Variants in SKIC3 observed in about 807,000 individuals in gnomAD.
SKIC3 encodes SKI3 subunit of superkiller complex, also known as superkiller complex protein 3.
the SKIC3 span, among the ~76,000 whole-genome samples, chr5:95,486,265 C>T: frequency 6.6e-6 from 1 of 152,192 alleles, no homozygotes; most frequent in African/African-American, 2.4e-5. Flanking sequence ...CCCACAGCCA[C>T]TGCTGCTGGA....
chr5:95,487,159 T>G, the SKIC3 span, among the ~76,000 whole-genome samples: 2 of 152,132 alleles, frequency 1.3e-5, no homozygotes, highest in East Asian at 3.9e-4. Context: ...CTTTCTCCCA[T>G]GCTGGATGCT....
chr5:95,480,154 A>T, the SKIC3 span, among the ~76,000 whole-genome samples: 1 of 152,000 alleles, frequency 6.6e-6, no homozygotes, highest in Non-Finnish European at 1.5e-5. Context: ...ACAAAATATT[A>T]AAAAAAACTT....
chr5:95,495,314 A>T, the SKIC3 span: 1 of 356,604 alleles, frequency 2.8e-6, no homozygotes, highest in Non-Finnish European at 5.2e-6. Flanking sequence ...AATATAAAAT[A>T]TAAAGACTGA....
chr5:95,524,459 C>T, the SKIC3 span: 46 of 1,612,686 alleles, frequency 2.9e-5, no homozygotes, highest in Middle Eastern at 9.5e-4. Context: ...GTAGCACTTG[C>T]TTTACCTTCA....
the SKIC3 span, chr5:95,484,646 C>T: frequency 6.2e-7 from 1 of 1,601,946 alleles, no homozygotes; most frequent in Non-Finnish European, 8.5e-7. Context: ...CGCATCTAGC[C>T]TCATACATTC....
At chr5:95,470,354 G>A in the SKIC3 span, among the ~76,000 whole-genome samples, 2 of 152,146 alleles carry the variant, frequency 1.3e-5, no homozygotes. Context: ...TTACTACAAA[G>A]AGATTTAAGA....
At chr5:95,507,461 G>A in the SKIC3 span, among the ~76,000 whole-genome samples, 1 of 152,178 alleles carries the variant, frequency 6.6e-6, no homozygotes, top group African/African-American at 2.4e-5. Flanking sequence ...TGAGGGAAGG[G>A]GACTAGTCAC....
chr5:95,543,878 T>G, the SKIC3 span, among the ~76,000 whole-genome samples: 2 of 152,202 alleles, frequency 1.3e-5, no homozygotes, highest in African/African-American at 4.8e-5. Flanking sequence ...GAATAAAAAT[T>G]ATATGTAGAG....
At chr5:95,524,726 CT>C in the SKIC3 span, 1 of 1,181,070 alleles carries the variant, frequency 8.5e-7, no homozygotes, top group East Asian at 2.4e-5. Flanking sequence ...CCAATCATCA[CT>C]TTAGGATTTA....
chr5:95,494,883 C>A, the SKIC3 span: 1 of 1,588,994 alleles, frequency 6.3e-7, no homozygotes. Context: ...TGACATAATC[C>A]CTAAGACTAT....
At chr5:95,490,994 G>A in the SKIC3 span, 95 of 1,613,936 alleles carry the variant, frequency 5.9e-5, no homozygotes, top group Non-Finnish European at 7.8e-5. Context: ...TTTATCATCA[G>A]CGTGACAGGC....
chr5:95,503,730 C>A, the SKIC3 span: 3 of 1,589,596 alleles, frequency 1.9e-6, no homozygotes, highest in African/African-American at 4.0e-5. Context: ...CACCCCATCT[C>A]ATTATTACAT....
At chr5:95,492,725 T>G in the SKIC3 span, among the ~76,000 whole-genome samples, 3 of 100,484 alleles carry the variant, frequency 3.0e-5, no homozygotes, top group Non-Finnish European at 5.9e-5. Context: ...TGAGGTGCCA[T>G]AGGGTCTTAA....
the SKIC3 span, among the ~76,000 whole-genome samples, chr5:95,479,675 T>TTGTGTGTG: frequency 6.3e-5 from 9 of 143,986 alleles, no homozygotes; most frequent in Admixed American, 2.1e-4. Flanking sequence ...GGAAAAAACA[T>TTGTGTGTG]TGTGTGTGTG....
the SKIC3 span, among the ~76,000 whole-genome samples, chr5:95,480,646 T>C: frequency 6.6e-6 from 1 of 152,142 alleles, no homozygotes; most frequent in African/African-American, 2.4e-5. Flanking sequence ...TCTACTAAAT[T>C]AACCATACAT....
At chr5:95,518,376 T>C in the SKIC3 span, among the ~76,000 whole-genome samples, 1 of 152,096 alleles carries the variant, frequency 6.6e-6, no homozygotes, top group Non-Finnish European at 1.5e-5. Flanking sequence ...ACAGTCATCC[T>C]ACAATGCTAC....
the SKIC3 span, among the ~76,000 whole-genome samples, chr5:95,519,279 AAC>A: frequency 2.6e-5 from 4 of 152,054 alleles, no homozygotes; most frequent in Non-Finnish European, 5.9e-5. Flanking sequence ...TCTTATAAAT[AAC>A]ACATGGCAAT....
At chr5:95,481,703 G>A in the SKIC3 span, among the ~76,000 whole-genome samples, 1 of 151,856 alleles carries the variant, frequency 6.6e-6, no homozygotes, top group Non-Finnish European at 1.5e-5. Flanking sequence ...CTCTAAGAAA[G>A]GGGAAAAAAG....
chr5:95,550,383 C>A, the SKIC3 span, among the ~76,000 whole-genome samples: 1 of 147,642 alleles, frequency 6.8e-6, no homozygotes, highest in Non-Finnish European at 1.5e-5. Flanking sequence ...ATAATGACAA[C>A]GGAAGCTAAT....
Sources: gnomAD v4.1 joint callset for allele counts (sites outside exome capture counted in the v4.1 genomes callset) on GRCh38, gnomAD v4.1.1 for gene constraint, MANE v1.5 for transcripts, NCBI Gene and HGNC (gene_info 2026-07-23, HGNC 2026-07-21) for gene names.